PTPRR: variants seen among roughly 807,000 people sequenced by gnomAD.
PTPRR encodes protein tyrosine phosphatase receptor type R, also known as receptor-type tyrosine-protein phosphatase R.
A neutral mutation model predicts 77.2 loss-of-function variants in PTPRR; 38 were observed. That is an observed-to-expected ratio of 0.49 (90% CI 0.38 to 0.65). The LOEUF (loss-of-function observed/expected upper bound fraction) is 0.65. PTPRR is among the 30% of genes least tolerant of loss of function. The pLI is 0.00. For missense variants in PTPRR, 744 were observed against 799.2 expected, an observed-to-expected ratio of 0.93 and a Z score of 0.83; for synonymous variants, 299 against 283.1, an observed-to-expected ratio of 1.06 and a Z score of -0.57.
At chr12:70,826,724 T>A (rs973780367) in intron 2 of PTPRR, among the ~76,000 whole-genome samples, 5 of 152,216 alleles carry the variant, frequency 3.3e-5, no homozygotes, top group Non-Finnish European at 7.3e-5. Context: ...CTGCAAAACA[T>A]GTATGGCGTT....
At chr12:70,852,465 A>G (rs936664185) in intron 2 of PTPRR, among the ~76,000 whole-genome samples, 4 of 152,182 alleles carry the variant, frequency 2.6e-5, no homozygotes, top group African/African-American at 7.2e-5. Flanking sequence ...TGTTTTCCTG[A>G]TTAATACTGT....
chr12:70,851,372 G>C (rs1466088514), intron 2 of PTPRR, among the ~76,000 whole-genome samples: 1 of 152,128 alleles, frequency 6.6e-6, no homozygotes, highest in Non-Finnish European at 1.5e-5. Context: ...CAAGAGATGG[G>C]AAAAGTGTCC....
chr12:70,688,506 C>A (rs113893945), intron 8 of PTPRR, among the ~76,000 whole-genome samples: 116 of 152,166 alleles, frequency 7.6e-4, no homozygotes, highest in African/African-American at 2.5e-3. Context: ...CACTTCATAC[C>A]TGTTAGAAGG....
At chr12:70,798,668 T>C (rs1891558072) in intron 2 of PTPRR, among the ~76,000 whole-genome samples, 1 of 152,198 alleles carries the variant, frequency 6.6e-6, no homozygotes, top group Admixed American at 6.5e-5. Context: ...AAATGCTGCT[T>C]ACTCTGATTC....
intron 4 of PTPRR, among the ~76,000 whole-genome samples, chr12:70,755,133 G>T (rs1471970359): frequency 6.6e-6 from 1 of 152,114 alleles, no homozygotes; most frequent in Non-Finnish European, 1.5e-5. Flanking sequence ...ATAATTTAGT[G>T]ACAGTATAGA....
rs190078480 is a variant in PTPRR at position 70,738,966 on chromosome 12, C to A, written c.1007+6852G>T. ...CTGGACTCGCCATGAGAAATGAATGCATTTGTTAGACCAGAATTGATTAAA... is the reference window on the plus strand; with the variant it reads ...CTGGACTCGCCATGAGAAATGAATGAATTTGTTAGACCAGAATTGATTAAA... On this transcript the variant is annotated intron_variant, in intron 6 of 13. Coordinates refer to ENST00000283228, the MANE Select transcript of PTPRR (RefSeq NM_002849.4). Among the ~76,000 whole-genome samples the A allele has an allele frequency of 2.6e-5, 4 of 152,282 alleles. No homozygotes were observed. In the East Asian group the frequency reaches 5.8e-4, roughly 22 times the overall value.
chr12:70,665,253 T>G (rs1401344376), intron 10 of PTPRR, among the ~76,000 whole-genome samples: 1 of 151,922 alleles, frequency 6.6e-6, no homozygotes, highest in Non-Finnish European at 1.5e-5. Context: ...GTGTCTCTTG[T>G]GCAAACAAGT....
Position 70,643,319 on chromosome 12 carries a change from GTT to G in PTPRR, c.1881-4044_1881-4043del, listed in dbSNP as rs1159082310. On this transcript the variant is annotated intron_variant, in intron 13 of 13. Transcript: ENST00000283228. ...GAGCTAATTTTTTCTGTGTGTGTGT[GTT>G]TTTTGTGTTTGTTTTGTTTGTTTTG... Among the ~76,000 whole-genome samples the G allele has an allele frequency of 1.6e-3, 239 of 151,812 alleles. 2 individuals carry two copies. Among genetic ancestry groups the G allele is most frequent in the African/African-American group, 5.4e-3 (222 of 41,406 alleles).
At chr12:70,708,321 G>T (rs1303604373) in intron 6 of PTPRR, among the ~76,000 whole-genome samples, 1 of 151,962 alleles carries the variant, frequency 6.6e-6, no homozygotes, top group African/African-American at 2.4e-5. Flanking sequence ...TGCTTTGACG[G>T]TTTTTCCAGT....
chr12:70,734,210 A>T (rs1889784800), intron 6 of PTPRR, among the ~76,000 whole-genome samples: 1 of 752 alleles, frequency 1.3e-3, no homozygotes, highest in Admixed American at 0.071. Flanking sequence ...AGCAAAAATA[A>T]AAAAAAATCT....
intron 13 of PTPRR, among the ~76,000 whole-genome samples, chr12:70,643,170 GT>G (rs1306273815): frequency 3.3e-5 from 5 of 152,092 alleles, no homozygotes; most frequent in African/African-American, 1.2e-4. Context: ...GTCTTGCTTT[GT>G]TGCCCAGGCT....
intron 13 of PTPRR, among the ~76,000 whole-genome samples, chr12:70,648,339 A>G (rs777996362): frequency 9.9e-5 from 15 of 152,212 alleles, no homozygotes; most frequent in Non-Finnish European, 1.8e-4. Flanking sequence ...AAAGACTCAA[A>G]GAAAGCAAGA....
At position 70,656,724 on chromosome 12, in the gene PTPRR, G is replaced by C; in HGVS notation, c.1860C>G (p.Val620=). The C allele has an allele frequency of 6.2e-7, 1 of 1,613,610 alleles. No homozygotes were observed. Among genetic ancestry groups the C allele is most frequent in the Non-Finnish European group, 8.5e-7 (1 of 1,179,638 alleles). Reference sequence around the variant, plus strand: ...CTCACCTATCCATACGAAGCTGGCAGACAATGCTTAGTGCATCCACAACTC... The same window carrying C: ...CTCACCTATCCATACGAAGCTGGCACACAATGCTTAGTGCATCCACAACTC... The part of the protein sequence containing the change: ...EEGVVDALSI[V]CQLRMDRGGM... Residue 620 remains valine, a synonymous_variant, in exon 13 of 14, where the codon GTC becomes GTG. Coordinates refer to ENST00000283228, the MANE Select transcript of PTPRR (RefSeq NM_002849.4).
chr12:70,701,657 T>C (rs1166216668), intron 6 of PTPRR, among the ~76,000 whole-genome samples: 1 of 152,186 alleles, frequency 6.6e-6, no homozygotes, highest in African/African-American at 2.4e-5. Flanking sequence ...TATATCTATA[T>C]CTTCTGAGTG....
chr12:70,903,794 T>C (rs573116603), intron 1 of PTPRR, among the ~76,000 whole-genome samples: 11 of 151,690 alleles, frequency 7.3e-5, no homozygotes, highest in Non-Finnish European at 1.2e-4. Flanking sequence ...GGGAGAAAGC[T>C]AGCTAGAGAG....
chr12:70,763,329 T>C lies in PTPRR; in HGVS notation c.471+1336A>G, dbSNP rs376161003. Among the ~76,000 whole-genome samples, 77 of 152,112 alleles carry C rather than the reference T, an allele frequency of 5.1e-4. No homozygotes were observed. The Middle Eastern group carries it at 0.01, about 20-fold the overall frequency. ...ATTTTAAGTAGTAGAGATGGGGTTT[T>C]ACCATGTTGGCCAGGCTGGTCTCAA... On this transcript the variant is annotated intron_variant, in intron 3 of 13. Transcript: ENST00000283228.
chr12:70,691,033 T>C (rs1888037375), intron 8 of PTPRR, among the ~76,000 whole-genome samples: 1 of 152,042 alleles, frequency 6.6e-6, no homozygotes, highest in Non-Finnish European at 1.5e-5. Flanking sequence ...TAAAAAAAGG[T>C]CAGTTCTATA....
intron 6 of PTPRR, among the ~76,000 whole-genome samples, chr12:70,724,764 A>C (rs1455449175): frequency 6.6e-6 from 1 of 152,002 alleles, no homozygotes; most frequent in East Asian, 1.9e-4. Context: ...CTAGAGGTGT[A>C]GTGTGTGTAT....
At chr12:70,795,103 T>C (rs1219332141) in intron 2 of PTPRR, among the ~76,000 whole-genome samples, 1 of 152,070 alleles carries the variant, frequency 6.6e-6, no homozygotes, top group Non-Finnish European at 1.5e-5. Context: ...AGGCAATATA[T>C]ATTTTTTTAA....
Sources: allele counts gnomAD v4.1 joint callset (sites outside exome capture counted in the v4.1 genomes callset), GRCh38; gene constraint gnomAD v4.1.1; transcripts MANE v1.5; gene names NCBI Gene and HGNC (gene_info 2026-07-23, HGNC 2026-07-21).